The following HS6ST3 variants were observed in gnomAD, a reference collection of about 807,000 sequenced individuals.
HS6ST3 encodes heparan-sulfate 6-O-sulfotransferase 3.
A neutral mutation model predicts 36.7 loss-of-function variants in HS6ST3; 12 were observed. The ratio of observed to expected loss-of-function variants is 0.33; its 90% CI spans 0.21 to 0.53. HS6ST3 has a LOEUF of 0.53. Ranked by LOEUF, HS6ST3 falls within the 20% of genes least tolerant of loss-of-function variation. The pLI is 0.95. For missense variants in HS6ST3, 584 were observed against 640.9 expected, an observed-to-expected ratio of 0.91 and a Z score of 0.96; for synonymous variants, 240 against 257.5, an observed-to-expected ratio of 0.93 and a Z score of 0.65.
intron 1 of HS6ST3, among the ~76,000 whole-genome samples, chr13:96,121,917 G>T (rs73545198): frequency 1.3e-5 from 2 of 151,968 alleles, no homozygotes; most frequent in Non-Finnish European, 2.9e-5. Flanking sequence ...TGAGAAAAGG[G>T]TTATCATTAC....
intron 1 of HS6ST3, among the ~76,000 whole-genome samples, chr13:96,341,967 G>A (rs1483343285): frequency 6.6e-6 from 1 of 152,042 alleles, no homozygotes; most frequent in African/African-American, 2.4e-5. Flanking sequence ...TATCTTCAGT[G>A]GATGGAGTAT....
Position 96,836,301 on chromosome 13 carries a change from G to A in HS6ST3, c.*3103G>A, listed in dbSNP as rs1878925772. ...GCTCCAGTACCCAGATTGGAGATTA[G>A]GATGAGACAACTTTGTGTATATGTG... On this transcript the variant is annotated 3_prime_UTR_variant, in exon 2 of 2. Coordinates refer to ENST00000376705, the MANE Select transcript of HS6ST3 (RefSeq NM_153456.4). The A allele has an allele frequency of 6.6e-6, 1 of 152,210 alleles. No homozygotes were observed. Among genetic ancestry groups the A allele is most frequent in the South Asian group, 2.1e-4 (1 of 4,832 alleles). 9.4% of individuals were successfully genotyped at this position (152,210 alleles called of 1,614,324 possible).
rs185197091 is a variant in HS6ST3 at position 96,493,012 on chromosome 13, G to A, written c.708-339478G>A. On this transcript the variant is annotated intron_variant, in intron 1 of 1. Transcript: ENST00000376705. The stretch of plus-strand genomic sequence containing the variant: ...ACTCTGCCAATGTTGACTTTTGAGC[G>A]AGGACAACTTTAATTTCTCAGAACC... Among the ~76,000 whole-genome samples, 231 of 152,266 alleles carry A rather than the reference G, an allele frequency of 1.5e-3. 1 individual carries two copies. The highest frequency in any genetic ancestry group is 1.8e-3 in the Non-Finnish European group (123 of 68,020).
intron 1 of HS6ST3, among the ~76,000 whole-genome samples, chr13:96,168,861 A>T (rs1288424775): frequency 1.3e-5 from 2 of 152,108 alleles, no homozygotes; most frequent in African/African-American, 4.8e-5. Flanking sequence ...CTTCTACTGC[A>T]CCCATCACCT....
intron 1 of HS6ST3, among the ~76,000 whole-genome samples, chr13:96,380,844 A>G (rs1354620043): frequency 6.6e-6 from 1 of 152,200 alleles, no homozygotes; most frequent in African/African-American, 2.4e-5. Context: ...CTGTCGATGT[A>G]AAAAGAAATG....
At chr13:96,121,872 A>G (rs2053927090) in intron 1 of HS6ST3, among the ~76,000 whole-genome samples, 1 of 152,110 alleles carries the variant, frequency 6.6e-6, no homozygotes, top group Non-Finnish European at 1.5e-5. Flanking sequence ...ATTGCTTTAT[A>G]TACTGTAATT....
At chr13:96,550,590 A>G (rs2056215979) in intron 1 of HS6ST3, among the ~76,000 whole-genome samples, 1 of 152,152 alleles carries the variant, frequency 6.6e-6, no homozygotes, top group South Asian at 2.1e-4. Context: ...TTATTAAATC[A>G]ACAAATATAT....
chr13:96,460,184 T>TAA (rs1318307511), intron 1 of HS6ST3, among the ~76,000 whole-genome samples: 1 of 152,046 alleles, frequency 6.6e-6, no homozygotes, highest in Non-Finnish European at 1.5e-5. Flanking sequence ...TTTCTATGTG[T>TAA]TTCTAACCCC....
intron 1 of HS6ST3, among the ~76,000 whole-genome samples, chr13:96,690,222 C>G (rs561764794): frequency 7.3e-4 from 111 of 152,180 alleles, no homozygotes; most frequent in Non-Finnish European, 1.4e-3. Flanking sequence ...TTAAAATATA[C>G]TGGACAGAGA....
At chr13:96,299,742 T>G (rs1480109002) in intron 1 of HS6ST3, among the ~76,000 whole-genome samples, 1 of 152,148 alleles carries the variant, frequency 6.6e-6, no homozygotes, top group African/African-American at 2.4e-5. Context: ...AGAAAAAAAT[T>G]CACTGTGACA....
chr13:96,762,462 A>C (rs7320658), intron 1 of HS6ST3, among the ~76,000 whole-genome samples: 1 of 152,124 alleles, frequency 6.6e-6, no homozygotes, highest in South Asian at 2.1e-4. Flanking sequence ...CCTAGGTGAC[A>C]GAGTGAGACT....
At chr13:96,326,681 T>C (rs1465122211) in intron 1 of HS6ST3, among the ~76,000 whole-genome samples, 2 of 152,188 alleles carry the variant, frequency 1.3e-5, no homozygotes, top group African/African-American at 4.8e-5. Context: ...TGTAATCCTT[T>C]GGGTATTTAC....
intron 1 of HS6ST3, among the ~76,000 whole-genome samples, chr13:96,819,183 C>G (rs1294964092): frequency 6.6e-6 from 1 of 152,084 alleles, no homozygotes; most frequent in Non-Finnish European, 1.5e-5. Flanking sequence ...AGAGGCATTC[C>G]AGCTAATAAA....
intron 1 of HS6ST3, among the ~76,000 whole-genome samples, chr13:96,455,957 C>T (rs1184699358): frequency 2.0e-5 from 3 of 152,156 alleles, no homozygotes; most frequent in African/African-American, 7.2e-5. Context: ...ACCTAGGCCT[C>T]TTGAGTTGAG....
At position 96,541,611 on chromosome 13, in the gene HS6ST3, G is replaced by A. The variant is rs545316921; in HGVS notation, c.708-290879G>A. On this transcript the variant is annotated intron_variant, in intron 1 of 1. Transcript: ENST00000376705. ...TAGTGCCTGGGAGCTATGATTACAG[G>A]TGGTATAAAAATGCAAAATGTAATG... Among the ~76,000 whole-genome samples the A allele has an allele frequency of 2.6e-5, 4 of 152,198 alleles. No homozygotes were observed. In the South Asian group the frequency reaches 8.3e-4, roughly 32 times the overall value.
intron 1 of HS6ST3, among the ~76,000 whole-genome samples, chr13:96,643,435 T>C (rs1029175113): frequency 2.0e-5 from 3 of 151,984 alleles, no homozygotes; most frequent in Non-Finnish European, 4.4e-5. Flanking sequence ...TTGTTGGGTT[T>C]CTCAAAGACT....
chr13:96,148,597 A>G (rs1016224204), intron 1 of HS6ST3, among the ~76,000 whole-genome samples: 4 of 152,232 alleles, frequency 2.6e-5, no homozygotes, highest in African/African-American at 9.6e-5. Flanking sequence ...AAGAAGTGGA[A>G]ACAGCAACCT....
chr13:96,360,559 C>G (rs2055232760), intron 1 of HS6ST3, among the ~76,000 whole-genome samples: 1 of 150,280 alleles, frequency 6.7e-6, no homozygotes, highest in Non-Finnish European at 1.5e-5. Context: ...GGCTACACTT[C>G]TATTGATACC....
intron 1 of HS6ST3, among the ~76,000 whole-genome samples, chr13:96,826,583 A>G (rs985066902): frequency 4.6e-5 from 7 of 152,162 alleles, no homozygotes; most frequent in Admixed American, 2.0e-4. Context: ...AGTAAACTCT[A>G]TAGGCTGGAA....
Sources: allele counts gnomAD v4.1 joint callset (sites outside exome capture counted in the v4.1 genomes callset), GRCh38; gene constraint gnomAD v4.1.1; transcripts MANE v1.5; gene names NCBI Gene and HGNC (gene_info 2026-07-23, HGNC 2026-07-21).